The following C6orf141 variants were observed in gnomAD, a reference collection of about 807,000 sequenced individuals.
The protein encoded by C6orf141 is uncharacterized protein C6orf141.
For synonymous variants in C6orf141, 164 were observed against 140.5 expected, an observed-to-expected ratio of 1.17 and a Z score of -1.18; for missense variants, 361 against 335.8, an observed-to-expected ratio of 1.07 and a Z score of -0.59.
At chr6:49,553,786 T>G (rs950870610), downstream of C6orf141, among the ~76,000 whole-genome samples, 1 of 1,648 alleles carries the variant, frequency 6.1e-4, no homozygotes, top group South Asian at 0.071. Flanking sequence ...ATAGAGGGTT[T>G]TTTTTTTTTA....
chr6:49,554,110 T>C (rs1046262724), downstream of C6orf141, among the ~76,000 whole-genome samples: 5 of 152,180 alleles, frequency 3.3e-5, no homozygotes, highest in African/African-American at 7.2e-5. Context: ...ACATCTTCTG[T>C]AGGGACTCAT....
At position 49,557,910 on chromosome 6, in the gene C6orf141, T is replaced by C. The variant is rs138674149; in HGVS notation, c.*763+2753T>C. The stretch of plus-strand genomic sequence containing the variant: ...TTTTTGTTTTTTGTTTGTTTGTTTT[T>C]TGAGACAGTCTCACTGTGTTGTCCA... On this transcript the variant is annotated intron_variant and NMD_transcript_variant, in intron 4 of 4. Transcript: ENST00000371194. Among the ~76,000 whole-genome samples the C allele has an allele frequency of 3.9e-3, 594 of 152,258 alleles. 1 individual carries two copies. The highest frequency in any genetic ancestry group is 0.013 in the African/African-American group (558 of 41,562).
Position 49,558,059 on chromosome 6 carries a change from G to GTTTT in C6orf141, c.*763+2923_*763+2926dup, listed in dbSNP as rs71002664. Among the ~76,000 whole-genome samples, 488 of 97,706 alleles carry GTTTT rather than the reference G, an allele frequency of 5.0e-3. 18 individuals carry two copies. Among genetic ancestry groups the GTTTT allele is most frequent in the Non-Finnish European group, 7.5e-3 (384 of 51,484 alleles). The allele number at this position is 97,706 out of a possible 152,430, so 64.1% of individuals were successfully genotyped here. ...AGTGCATGCCGTTACACTCAAATAT[G>GTTTT]TTTTTTTTTTTTTTTTTTTTTTTTA... On this transcript the variant is annotated intron_variant and NMD_transcript_variant, in intron 4 of 4. Coordinates refer to the C6orf141 transcript ENST00000371194.
At chr6:49,555,721 G>A (rs1374699580), downstream of C6orf141, among the ~76,000 whole-genome samples, 1 of 152,048 alleles carries the variant, frequency 6.6e-6, no homozygotes, top group African/African-American at 2.4e-5. Context: ...TGTTAGCCAG[G>A]ATGGTCTCGA....
chr6:49,551,466 A>T lies in C6orf141; in HGVS notation c.674A>T (p.His225Leu). 6.4e-7 allele frequency: 1 copy of T among 1,551,482 alleles called. No homozygotes were observed. The highest frequency in any genetic ancestry group is 1.2e-5 in the South Asian group (1 of 84,056). The change falls in exon 1 of 1, where the codon CAC becomes CTC. Residue 225 changes from histidine (H) to leucine (L), a missense_variant. Transcript: ENST00000529246. ...LQARTGASRV[H>L]AAGRRVSPSP... ...GCACGAACAGGGGCATCCCGCGTCC[A>T]CGCCGCGGGGAGGAGGGTTTCACCG...
intron 4 of C6orf141, among the ~76,000 whole-genome samples, chr6:49,558,059 G>GTTTTTTTTTTT (rs71002664): frequency 2.0e-5 from 2 of 97,796 alleles, no homozygotes; most frequent in African/African-American, 8.1e-5. Flanking sequence ...ACTCAAATAT[G>GTTTTTTTTTTT]TTTTTTTTTT....
Position 49,551,809 on chromosome 6 carries a change from T to C in C6orf141, c.*282T>C. On this transcript the variant is annotated 3_prime_UTR_variant, in exon 1 of 1. Coordinates refer to ENST00000529246, the MANE Select transcript of C6orf141 (RefSeq NM_001145652.2). ...AGTTTTGAAATGAGAAAACCTGTTG[T>C]TAATTTGCATTTTGGAATAACTCTC... is the stretch of plus-strand genomic sequence containing the variant. 4.7e-6 allele frequency: 6 copies of C among 1,285,934 alleles called. No individual in the cohort carries two copies. The highest frequency in any genetic ancestry group is 5.0e-6 in the Non-Finnish European group (5 of 1,006,478). 79.7% of individuals were successfully genotyped at this position (1,285,934 alleles called of 1,614,324 possible). A position where few individuals can be genotyped will look rare whatever the true frequency, so the allele number is the denominator to read the frequency against.
At position 49,551,251 on chromosome 6, in the gene C6orf141, C is replaced by T. The variant is rs763220459; in HGVS notation, c.459C>T (p.Asp153=). The T allele has an allele frequency of 3.5e-5, 54 of 1,551,536 alleles. 1 individual carries two copies. In the South Asian group the frequency reaches 5.8e-4, roughly 17 times the overall value. Residue 153 remains aspartate, a synonymous_variant, in exon 1 of 1, where the codon GAC becomes GAT. Coordinates refer to ENST00000529246, the MANE Select transcript of C6orf141 (RefSeq NM_001145652.2). The part of the protein sequence containing the change: ...RRVAPPRDAA[D]PPKYVLVRVE... Reference sequence around the variant, plus strand: ...TAGCCCCGCCGCGGGACGCAGCAGACCCACCCAAATACGTGCTTGTGCGGG... The same window carrying T: ...TAGCCCCGCCGCGGGACGCAGCAGATCCACCCAAATACGTGCTTGTGCGGG...
In C6orf141 at chr6:49,550,841, G is replaced by A; in HGVS notation, c.49G>A (p.Ala17Thr). ...GGAGACCCGGGGGCCTCAGGGAGCT[G>A]CGAATCCCATGGACTCCTCCCGCAG... ...RMETRGPQGA[A>T]NPMDSSRSLG... The change falls in exon 1 of 1, where the codon GCG (alanine) becomes ACG (threonine). Residue 17 changes from alanine to threonine, a missense_variant. Physicochemically the swap from Ala to Thr is moderately conservative, Grantham distance 58. Transcript: ENST00000529246. 1 of 1,486,908 alleles carries A rather than the reference G, an allele frequency of 6.7e-7. No homozygotes were observed. Among genetic ancestry groups the A allele is most frequent in the South Asian group, 1.4e-5 (1 of 73,438 alleles). The allele number at this position is 1,486,908 out of a possible 1,614,324, so 92.1% of individuals were successfully genotyped here. A position where few individuals can be genotyped will look rare whatever the true frequency, so the allele number is the denominator to read the frequency against.
At position 49,557,952 on chromosome 6, in the gene C6orf141, C is replaced by T. The variant is rs149318215; in HGVS notation, c.*763+2795C>T. Among the ~76,000 whole-genome samples the T allele has an allele frequency of 2.2e-3, 339 of 152,004 alleles. 2 individuals carry two copies. The highest frequency in any genetic ancestry group is 7.5e-3 in the African/African-American group (311 of 41,464). On this transcript the variant is annotated intron_variant and NMD_transcript_variant, in intron 4 of 4. Coordinates refer to the C6orf141 transcript ENST00000371194. ...TGTTGTCCAGGCTGGAGGGCAGAGG[C>T]GCAATCTTGACTTACTGCAACCTCC...
At chr6:49,557,534 A>G (rs1313804084) in intron 4 of C6orf141, among the ~76,000 whole-genome samples, 1 of 152,228 alleles carries the variant, frequency 6.6e-6, no homozygotes, top group Non-Finnish European at 1.5e-5. Flanking sequence ...CATTTACTTT[A>G]GAAGACTTTG....
intron 4 of C6orf141, chr6:49,560,435 G>A (rs531224558): frequency 1.3e-5 from 2 of 152,354 alleles, no homozygotes; most frequent in African/African-American, 2.4e-5. Flanking sequence ...GCAATGGGTG[G>A]GGTTTGCTCA....
downstream of C6orf141, chr6:49,555,342 A>G (rs911725431): frequency 6.6e-6 from 1 of 152,220 alleles, no homozygotes; most frequent in Admixed American, 6.5e-5. Context: ...TATACACTGC[A>G]TAAAAATTGG....
At chr6:49,552,655 G>A (rs1213749395), downstream of C6orf141, 2 of 152,244 alleles carry the variant, frequency 1.3e-5, no homozygotes, top group African/African-American at 2.4e-5. Flanking sequence ...TTAGTTTAGA[G>A]CTTGAAGTGT....
intron 4 of C6orf141, among the ~76,000 whole-genome samples, chr6:49,559,510 T>G (rs1295334986): frequency 1.3e-5 from 2 of 151,982 alleles, no homozygotes; most frequent in East Asian, 1.9e-4. Flanking sequence ...TAAGTCCACC[T>G]AGGCATGGGG....
chr6:49,558,566 C>T (rs1772541216), intron 4 of C6orf141, among the ~76,000 whole-genome samples: 1 of 151,962 alleles, frequency 6.6e-6, no homozygotes, highest in Non-Finnish European at 1.5e-5. Flanking sequence ...ATGGTATCAA[C>T]CTCATAAGTT....
intron 4 of C6orf141, among the ~76,000 whole-genome samples, chr6:49,558,737 T>G (rs1365780741): frequency 2.6e-5 from 4 of 151,950 alleles, no homozygotes; most frequent in Non-Finnish European, 4.4e-5. Flanking sequence ...GGATGGAGTC[T>G]TGCTCTGTTG....
At chr6:49,558,064 T>TTTTTTTTTG (rs1561996199) in intron 4 of C6orf141, among the ~76,000 whole-genome samples, 2 of 126,052 alleles carry the variant, frequency 1.6e-5, no homozygotes, top group African/African-American at 6.1e-5. Flanking sequence ...AATATGTTTT[T>TTTTTTTTTG]TTTTTTTTTT....
chr6:49,552,807 T>C (rs1770939635), downstream of C6orf141, among the ~76,000 whole-genome samples: 2 of 152,382 alleles, frequency 1.3e-5, no homozygotes, highest in East Asian at 3.9e-4. Context: ...ATATGCTTAC[T>C]AAGTGGATGA....
Sources: allele counts gnomAD v4.1 joint callset (sites outside exome capture counted in the v4.1 genomes callset), GRCh38; gene constraint gnomAD v4.1.1; transcripts MANE v1.5; gene names NCBI Gene and HGNC (gene_info 2026-07-23, HGNC 2026-07-21).